The following GTF2I variants were observed in gnomAD, a reference collection of about 807,000 sequenced individuals.
GTF2I encodes general transcription factor IIi.
A neutral mutation model predicts 67.6 loss-of-function variants in GTF2I; 12 were observed. The observed-to-expected ratio is 0.18, with a 90% CI of 0.11 to 0.29. GTF2I has a LOEUF of 0.29. Among genes scored for constraint, GTF2I ranks in the 10% least tolerant of loss-of-function variants. The pLI, the probability that GTF2I is intolerant of heterozygous loss-of-function variation, is 1.00. For synonymous variants in GTF2I, 149 were observed against 197.0 expected, an observed-to-expected ratio of 0.76 and a Z score of 2.04; for missense variants, 271 against 580.1, an observed-to-expected ratio of 0.47 and a Z score of 5.47.
chr7:74,678,707 A>G (rs1010837345), intron 1 of GTF2I, among the ~76,000 whole-genome samples: 5 of 152,148 alleles, frequency 3.3e-5, no homozygotes, highest in African/African-American at 9.7e-5. Context: ...GCCTGACAGT[A>G]CCTGGAAGCA....
chr7:74,664,900 C>T lies in GTF2I; in HGVS notation c.-6+6832C>T, dbSNP rs79785375. The stretch of plus-strand genomic sequence containing the variant: ...TGGCCCTTGCCGTTTCCTGCCTGTG[C>T]GACCTTGGGCATTTCACTTCATCTT... On this transcript the variant is annotated intron_variant, in intron 1 of 34. Transcript: ENST00000573035. Among the ~76,000 whole-genome samples the T allele has an allele frequency of 1.4e-3, 220 of 151,978 alleles. 1 individual carries two copies. Among genetic ancestry groups the T allele is most frequent in the African/African-American group, 4.9e-3 (205 of 41,468 alleles).
chr7:74,669,760 T>C (rs1464743280), intron 1 of GTF2I, among the ~76,000 whole-genome samples: 1 of 152,158 alleles, frequency 6.6e-6, no homozygotes, highest in Non-Finnish European at 1.5e-5. Flanking sequence ...CTCAAATTCC[T>C]GACTTTGTGA....
At chr7:74,704,431 C>T (rs587775187) in intron 6 of GTF2I, among the ~76,000 whole-genome samples, 1 of 151,828 alleles carries the variant, frequency 6.6e-6, no homozygotes, top group Non-Finnish European at 1.5e-5. Flanking sequence ...ACTGGGATTA[C>T]AGGCGCCCGC....
chr7:74,667,092 C>A (rs1369116260), intron 1 of GTF2I, among the ~76,000 whole-genome samples: 1 of 152,152 alleles, frequency 6.6e-6, no homozygotes, highest in Non-Finnish European at 1.5e-5. Flanking sequence ...TTGCAGTGAG[C>A]CAAGATCACG....
intron 6 of GTF2I, among the ~76,000 whole-genome samples, chr7:74,702,348 C>T (rs587680750): frequency 6.6e-6 from 1 of 152,196 alleles, no homozygotes; most frequent in South Asian, 2.1e-4. Context: ...CTGCCTCAGC[C>T]TCCTGAGTAG....
chr7:74,697,289 G>A (rs1258438679), intron 3 of GTF2I, among the ~76,000 whole-genome samples: 1 of 152,034 alleles, frequency 6.6e-6, no homozygotes, highest in Non-Finnish European at 1.5e-5. Context: ...CAGCTACTCG[G>A]GAGGCTGAGG....
chr7:74,714,042 C>T (rs782768628), intron 9 of GTF2I, among the ~76,000 whole-genome samples: 30 of 152,106 alleles, frequency 2.0e-4, no homozygotes, highest in Non-Finnish European at 3.5e-4. Context: ...CAAACAACTT[C>T]GGATGTTTTC....
chr7:74,711,083 C>T lies in GTF2I; in HGVS notation c.737C>T (p.Pro246Leu). 1 of 1,510,712 alleles carries T rather than the reference C, an allele frequency of 6.6e-7. No individual in the cohort carries two copies. The highest frequency in any genetic ancestry group is 9.0e-7 in the Non-Finnish European group (1 of 1,105,614). The allele number at this position is 1,510,712 out of a possible 1,614,324, so 93.6% of individuals were successfully genotyped here. The change falls in exon 9 of 35, where the codon CCT (proline) becomes CTT (leucine). Residue 246 changes from proline to leucine, a missense_variant. Pro to Leu is a moderately conservative substitution (Grantham distance 98). Coordinates refer to ENST00000573035, the MANE Select transcript of GTF2I (RefSeq NM_032999.4). ...AVTVKEESED[P>L]DYYQYNIQAG... Reference sequence around the variant, plus strand: ...ACAGTAAAGGAAGAATCAGAAGATCCTGATTATTATCAATATAACATTCAA... The same window carrying T: ...ACAGTAAAGGAAGAATCAGAAGATCTTGATTATTATCAATATAACATTCAA...
At chr7:74,695,357 A>G (rs1384528570) in intron 3 of GTF2I, among the ~76,000 whole-genome samples, 1 of 152,234 alleles carries the variant, frequency 6.6e-6, no homozygotes, top group Non-Finnish European at 1.5e-5. Context: ...ATAGCCTCAC[A>G]CTACAGAGAG....
chr7:74,749,907 A>G (rs1245839640), intron 26 of GTF2I, among the ~76,000 whole-genome samples: 1 of 150,198 alleles, frequency 6.7e-6, no homozygotes, highest in Non-Finnish European at 1.5e-5. Context: ...AAAAAAAAAA[A>G]AAAAAGAAGA....
At chr7:74,708,893 T>C (rs1343916262) in intron 8 of GTF2I, among the ~76,000 whole-genome samples, 1 of 152,174 alleles carries the variant, frequency 6.6e-6, no homozygotes, top group Non-Finnish European at 1.5e-5. Context: ...CAACTTTACT[T>C]CCTACAAAGA....
chr7:74,688,292 TA>T (rs1458408406), intron 1 of GTF2I, among the ~76,000 whole-genome samples: 1 of 152,166 alleles, frequency 6.6e-6, no homozygotes, highest in African/African-American at 2.4e-5. Flanking sequence ...TTGGCCAGGC[TA>T]ATCTCGAACT....
At chr7:74,693,849 A>C (rs181299564) in intron 3 of GTF2I, among the ~76,000 whole-genome samples, 1,721 of 151,076 alleles carry the variant, frequency 0.011, 11 homozygotes, top group Middle Eastern at 0.034. Flanking sequence ...CGTCTCAACG[A>C]AAAAAAAAGG....
chr7:74,725,874 G>T, intron 12 of GTF2I, among the ~76,000 whole-genome samples: 1 of 148,586 alleles, frequency 6.7e-6, no homozygotes. Flanking sequence ...ATGATCGATT[G>T]GGTTACCTTC....
At chr7:74,705,855 C>T (rs1790595886) in intron 7 of GTF2I, among the ~76,000 whole-genome samples, 1 of 151,592 alleles carries the variant, frequency 6.6e-6, no homozygotes. Flanking sequence ...TGAGCCACCA[C>T]GCCTGGCCCG....
chr7:74,706,112 G>T (rs1412415415), intron 7 of GTF2I, among the ~76,000 whole-genome samples: 1 of 151,598 alleles, frequency 6.6e-6, no homozygotes, highest in Non-Finnish European at 1.5e-5. Flanking sequence ...TAGAGATGAG[G>T]TTTCACCATA....
rs781941714 is a variant in GTF2I, at chr7:74,732,519, C to T, written c.1161C>T (p.Tyr387=). The part of the protein sequence containing the change: ...IKAKGPVTIP[Y]PLFQSHVEDL... ...CCAAAGGTCCGGTGACGATCCCGTA[C>T]CCTCTTTTCCAGTCTCATGTTGAAG... Residue 387 remains tyrosine, a synonymous_variant, in exon 15 of 35, where the codon TAC becomes TAT. Coordinates refer to ENST00000573035, the MANE Select transcript of GTF2I (RefSeq NM_032999.4). 1.9e-6 allele frequency: 3 copies of T among 1,603,338 alleles called. No individual in the cohort carries two copies. Among genetic ancestry groups the T allele is most frequent in the Non-Finnish European group, 1.7e-6 (2 of 1,176,936 alleles).
chr7:74,730,172 G>GT, intron 13 of GTF2I, 57 bp from the exon 14 acceptor site: 1 of 118,142 alleles, frequency 8.5e-6, no homozygotes, highest in Non-Finnish European at 1.5e-5. Flanking sequence ...CAAGACCCTA[G>GT]TGCTGCCCCG....
chr7:74,677,797 G>A (rs1464486652), intron 1 of GTF2I, among the ~76,000 whole-genome samples: 72 of 42,302 alleles, frequency 1.7e-3, no homozygotes, highest in Middle Eastern at 0.017. Flanking sequence ...AAAAAAAAAA[G>A]TAAATTTGGG....
Sources: allele counts gnomAD v4.1 joint callset (sites outside exome capture counted in the v4.1 genomes callset), GRCh38; gene constraint gnomAD v4.1.1; transcripts MANE v1.5; gene names NCBI Gene and HGNC (gene_info 2026-07-23, HGNC 2026-07-21).